Variants in ITCH observed in about 807,000 individuals in gnomAD.
ITCH encodes the protein E3 ubiquitin-protein ligase Itchy homolog.
In ITCH, 28 loss-of-function variants were observed where a neutral mutation model predicts 126.8. The ratio of observed to expected loss-of-function variants is 0.22; its 90% CI spans 0.16 to 0.30. The LOEUF (loss-of-function observed/expected upper bound fraction) is 0.30. Ranked by LOEUF, ITCH falls within the 10% of genes least tolerant of loss-of-function variation. The pLI, the probability that ITCH is intolerant of heterozygous loss-of-function variation, is 1.00. For missense variants in ITCH, 631 were observed against 1,032.4 expected, an observed-to-expected ratio of 0.61 and a Z score of 5.33; for synonymous variants, 342 against 340.0, an observed-to-expected ratio of 1.01 and a Z score of -0.06.
intron 23 of ITCH, among the ~76,000 whole-genome samples, chr20:34,496,797 C>T (rs1989914064): frequency 8.1e-6 from 1 of 123,324 alleles, no homozygotes; most frequent in African/African-American, 3.0e-5. Context: ...GAGCAACACT[C>T]CATCTCAAAA....
intron 2 of ITCH, among the ~76,000 whole-genome samples, chr20:34,371,509 C>T (rs1193087279): frequency 6.6e-6 from 1 of 151,906 alleles, no homozygotes; most frequent in East Asian, 1.9e-4. Flanking sequence ...CTCTTGAACT[C>T]CTGACCTCAG....
intron 16 of ITCH, among the ~76,000 whole-genome samples, chr20:34,475,033 G>A (rs1305257686): frequency 6.6e-6 from 1 of 151,702 alleles, no homozygotes; most frequent in Non-Finnish European, 1.5e-5. Flanking sequence ...GCGGGGCAGA[G>A]GCGCTCCCCA....
At chr20:34,434,854 A>G (rs1601892535) in intron 7 of ITCH, among the ~76,000 whole-genome samples, 1 of 152,214 alleles carries the variant, frequency 6.6e-6, no homozygotes, top group East Asian at 1.9e-4. Flanking sequence ...GAATAATGTC[A>G]GCTGTAGCCA....
intron 5 of ITCH, among the ~76,000 whole-genome samples, chr20:34,413,221 G>A (rs73257154): frequency 0.019 from 2,957 of 152,198 alleles, 89 homozygotes; most frequent in African/African-American, 0.059. Flanking sequence ...CTCATTTTAT[G>A]AGGTTGTGGT....
rs181819386 is a variant in ITCH at position 34,381,699 on chromosome 20, T to A, written c.-21-12092T>A. Among the ~76,000 whole-genome samples, 223 of 152,082 alleles carry A rather than the reference T, an allele frequency of 1.5e-3. 5 individuals are homozygous for A. The highest frequency in any genetic ancestry group is 0.011 in the East Asian group (55 of 5,154). ...CCTTGGCCTCCCAAAGTGCTGAGAT[T>A]ACAGACGTGAGCGACCGCGCCTGGC... On this transcript the variant is annotated intron_variant, in intron 2 of 24. Transcript: ENST00000374864.
intron 16 of ITCH, 22 bp from the exon 17 acceptor site, chr20:34,477,750 A>G (rs747393005): frequency 2.5e-6 from 4 of 1,610,258 alleles, no homozygotes; most frequent in South Asian, 2.2e-5. Flanking sequence ...TTCACCAATT[A>G]TTTTACTTTA....
intron 6 of ITCH, among the ~76,000 whole-genome samples, chr20:34,417,703 CT>C (rs77967776): frequency 0.017 from 1,843 of 109,240 alleles, 22 homozygotes; most frequent in Non-Finnish European, 0.024. Flanking sequence ...CCTGGCCCAG[CT>C]TTTTTTTTTT....
At chr20:34,462,004 G>A in intron 13 of ITCH, 89 bp from the exon 14 acceptor site, 1 of 1,293,054 alleles carries the variant, frequency 7.7e-7, no homozygotes. Context: ...AAAGATTTCT[G>A]CTATGTTTAT....
At position 34,445,293 on chromosome 20, in the gene ITCH, A is replaced by G; in HGVS notation, c.972A>G (p.Glu324=). The G allele has an allele frequency of 6.2e-7, 1 of 1,604,000 alleles. No homozygotes were observed. Among genetic ancestry groups the G allele is most frequent in the Non-Finnish European group, 8.5e-7 (1 of 1,175,024 alleles). ...TTTTTTTTTTCTGATTTAGCTGGGA[A>G]CGGCGGGTTGACAACATGGGACGTA... ...DRPEPLPPGW[E]RRVDNMGRIY... is the part of the protein sequence containing the mutation. The change falls in exon 11 of 25, where the codon GAA becomes GAG. Residue 324 remains glutamate, a synonymous_variant. Coordinates refer to ENST00000374864, the MANE Select transcript of ITCH (RefSeq NM_031483.7).
intron 13 of ITCH, among the ~76,000 whole-genome samples, chr20:34,461,723 A>T (rs941665849): frequency 6.6e-6 from 1 of 151,750 alleles, no homozygotes; most frequent in African/African-American, 2.4e-5. Flanking sequence ...AAAAAAAAAA[A>T]AAAAAAAAAA....
At chr20:34,382,699 C>T (rs868682875) in intron 2 of ITCH, among the ~76,000 whole-genome samples, 3 of 150,032 alleles carry the variant, frequency 2.0e-5, no homozygotes, top group South Asian at 2.1e-4. Flanking sequence ...TGAGCCACCA[C>T]GCTCAGCCAA....
At chr20:34,422,608 T>A (rs1365783067) in intron 6 of ITCH, among the ~76,000 whole-genome samples, 1 of 152,206 alleles carries the variant, frequency 6.6e-6, no homozygotes, top group Non-Finnish European at 1.5e-5. Context: ...TATTGAGTTG[T>A]ATTTTATACA....
In ITCH at chr20:34,457,443, A is replaced by C; in HGVS notation, c.1264A>C (p.Ile422Leu). Residue 422 changes from isoleucine (I) to leucine (L), a missense_variant, in exon 13 of 25, where the codon ATT (isoleucine) becomes CTT (leucine). Physicochemically the swap from Ile to Leu is conservative, Grantham distance 5. This residue lies in a region of ITCH where 390 missense variants were observed against 731.6 expected (regional missense o/e 0.53). Transcript: ENST00000374864. ...ATATTTCGTCAACCACAACACACGA[A>C]TTACACAATGGGAAGACCCCAGAAG... Reference protein sequence around the residue: ...RVYFVNHNTRITQWEDPRSQG... With the variant: ...RVYFVNHNTRLTQWEDPRSQG... 1 of 1,613,520 alleles carries C rather than the reference A, an allele frequency of 6.2e-7. No individual in the cohort carries two copies. Among genetic ancestry groups the C allele is most frequent in the East Asian group, 2.2e-5 (1 of 44,868 alleles).
intron 23 of ITCH, among the ~76,000 whole-genome samples, chr20:34,499,287 T>A (rs1342514061): frequency 7.5e-6 from 1 of 132,988 alleles, no homozygotes; most frequent in Non-Finnish European, 1.6e-5. Context: ...TTTTTTTTTT[T>A]TTTTTTTTTT....
intron 2 of ITCH, among the ~76,000 whole-genome samples, chr20:34,378,916 G>A (rs901157275): frequency 7.2e-5 from 11 of 152,184 alleles, no homozygotes; most frequent in African/African-American, 2.7e-4. Context: ...CTCAGAGGAT[G>A]TACTAATCTC....
chr20:34,497,048 G>A (rs1021170013), intron 23 of ITCH, among the ~76,000 whole-genome samples: 23 of 152,046 alleles, frequency 1.5e-4, no homozygotes, highest in Admixed American at 1.3e-3. Context: ...CCAGGCTGGA[G>A]TACAGTGGCG....
At chr20:34,478,428 A>G (rs773941591) in intron 17 of ITCH, among the ~76,000 whole-genome samples, 41 of 152,220 alleles carry the variant, frequency 2.7e-4, no homozygotes, top group Non-Finnish European at 8.8e-5. Flanking sequence ...TGGACCCTAG[A>G]AGATAGTCTC....
chr20:34,396,060 G>A (rs2038664492), intron 3 of ITCH, among the ~76,000 whole-genome samples: 2 of 149,008 alleles, frequency 1.3e-5, no homozygotes, highest in Admixed American at 1.3e-4. Context: ...TGGAGACAGA[G>A]TTTTGCTTTG....
intron 2 of ITCH, among the ~76,000 whole-genome samples, chr20:34,387,220 T>G (rs1293437138): frequency 2.0e-5 from 3 of 151,882 alleles, no homozygotes; most frequent in African/African-American, 7.3e-5. Context: ...GGAGAATTGC[T>G]TGAACCCAGG....
Sources: allele counts gnomAD v4.1 joint callset (sites outside exome capture counted in the v4.1 genomes callset), GRCh38; gene constraint gnomAD v4.1.1; regional missense constraint gnomAD v4.1.1; transcripts MANE v1.5; gene names NCBI Gene and HGNC (gene_info 2026-07-23, HGNC 2026-07-21).